The following ZNF320 variants were observed in gnomAD, a reference collection of about 807,000 sequenced individuals.
ZNF320 encodes the protein zinc finger protein 320.
Under a neutral mutation model 6.8 loss-of-function variants are expected in ZNF320, and 2 were observed. The observed-to-expected ratio is 0.29, with a 90% confidence interval of 0.12 to 0.93. The LOEUF is 0.93. Ranked by LOEUF, ZNF320 falls within the 40% of genes least tolerant of loss-of-function variation. The pLI is 0.55. For missense variants in ZNF320, 472 were observed against 611.0 expected (o/e 0.77, Z 2.40); for synonymous variants, 208 against 203.2 (o/e 1.02, Z -0.20).
chr19:52,875,963 C>T (rs1479422004), downstream of ZNF320, among the ~76,000 whole-genome samples: 1 of 152,050 alleles, frequency 6.6e-6, no homozygotes, highest in Non-Finnish European at 1.5e-5. Context: ...GTTTAAAACA[C>T]TGAAAGAGAG....
At chr19:52,874,016 CT>C, downstream of ZNF320, 2 of 463,382 alleles carry the variant, frequency 4.3e-6, no homozygotes, top group South Asian at 1.6e-5. Flanking sequence ...TCCCTGGCTC[CT>C]TTTCTTTGCC....
rs545696326 is a variant in ZNF320 at position 52,867,206 on chromosome 19, A to G, written c.224-3047T>C. Among the ~76,000 whole-genome samples the G allele has an allele frequency of 5.9e-5, 9 of 152,034 alleles. No individual in the cohort carries two copies. The South Asian group carries it at 1.9e-3, about 32-fold the overall frequency. ...AATTAATTAATTTATTTATTTATGT[A>G]TTTATTTTTTGAGATGGAGTCTCAC... On this transcript the variant is annotated intron_variant, in intron 5 of 5. Coordinates refer to the ZNF320 transcript ENST00000673631.
chr19:52,898,570 T>C (rs1175603204), upstream of ZNF320, among the ~76,000 whole-genome samples: 1 of 152,230 alleles, frequency 6.6e-6, no homozygotes, highest in Non-Finnish European at 1.5e-5. Flanking sequence ...CACTGAGTTG[T>C]AGAAGGAAGG....
chr19:52,860,805 G>A (rs1311605821), downstream of ZNF320, among the ~76,000 whole-genome samples: 1 of 152,054 alleles, frequency 6.6e-6, no homozygotes, highest in Non-Finnish European at 1.5e-5. Context: ...TGACTCATGC[G>A]TGAGCAGTAA....
exon 6 of ZNF320, chr19:52,862,000 T>C (rs1600549918): frequency 5.3e-6 from 2 of 376,846 alleles, no homozygotes; most frequent in East Asian, 6.8e-5. Flanking sequence ...GCCTCAATCA[T>C]GACATTTGTA....
chr19:52,889,291 C>G (rs2064209378), intron 4 of ZNF320, among the ~76,000 whole-genome samples: 2 of 151,864 alleles, frequency 1.3e-5, no homozygotes, highest in Non-Finnish European at 1.5e-5. Context: ...CTCATCAGAT[C>G]TAGGGAAACA....
At chr19:52,890,192 A>G (rs1443215764) in intron 4 of ZNF320, 49 bp downstream of exon 4, 3 of 1,600,992 alleles carry the variant, frequency 1.9e-6, no homozygotes, top group South Asian at 2.2e-5. Flanking sequence ...AGGCGCCAGC[A>G]TTTCTGAAAG....
At chr19:52,903,570 G>T in the ZNF320 span, among the ~76,000 whole-genome samples, 1 of 152,124 alleles carries the variant, frequency 6.6e-6, no homozygotes, top group Non-Finnish European at 1.5e-5. Context: ...TACCTCAAAT[G>T]CTGGCCAGTC....
chr19:52,865,840 T>C (rs1346179456), intron 5 of ZNF320, among the ~76,000 whole-genome samples: 2 of 121,694 alleles, frequency 1.6e-5, no homozygotes, highest in East Asian at 4.5e-4. Flanking sequence ...TATATATGAT[T>C]ATACACATAT....
At chr19:52,885,357 G>A (rs1201165865) in intron 5 of ZNF320, among the ~76,000 whole-genome samples, 1 of 152,140 alleles carries the variant, frequency 6.6e-6, no homozygotes, top group African/African-American at 2.4e-5. Context: ...AAGCCAGGCG[G>A]ATCACCTGGG....
chr19:52,901,989 A>G (rs937635415), upstream of ZNF320, among the ~76,000 whole-genome samples: 1 of 144,072 alleles, frequency 6.9e-6, no homozygotes, highest in African/African-American at 2.5e-5. Context: ...TGGGGCTGAC[A>G]TGAGTTTTTC....
intron 5 of ZNF320, among the ~76,000 whole-genome samples, chr19:52,868,762 G>GCAAGGGCTGAGCTGGGACA (rs1278944362): frequency 6.6e-6 from 1 of 152,038 alleles, no homozygotes; most frequent in Non-Finnish European, 1.5e-5. Flanking sequence ...GGGGATACAA[G>GCAAGGGCTGAGCTGGGACA]CAAGGGCTGA....
Position 52,880,664 on chromosome 19 carries a change from G to C in ZNF320, c.1462C>G (p.Gln488Glu), listed in dbSNP as rs749829226. 1.2e-6 allele frequency: 2 copies of C among 1,613,594 alleles called. No homozygotes were observed. Among genetic ancestry groups the C allele is most frequent in the Non-Finnish European group, 1.7e-6 (2 of 1,179,746 alleles). The change falls in exon 6 of 6, where the codon CAG (glutamine) becomes GAG (glutamate). Residue 488 changes from glutamine to glutamate, a missense_variant. Gln to Glu is a conservative substitution (Grantham distance 29). This residue lies in a region of ZNF320 where 462 missense variants were observed against 559.7 expected (regional missense o/e 0.83). Transcript: ENST00000682928. ...CAATTGTCTCCAAAAGGAATTTTCT[G>C]ATGTTCTGCAAGGAGTGACCTCAGA... is the stretch of plus-strand genomic sequence containing the variant. Reference protein sequence around the residue: ...FSLRSLLAEHQKIPFGDNCFK... With the variant: ...FSLRSLLAEHEKIPFGDNCFK...
intron 1 of ZNF320, chr19:52,895,677 G>A (rs2064448817): frequency 6.6e-6 from 1 of 152,036 alleles, no homozygotes; most frequent in African/African-American, 2.4e-5. Context: ...CAGGCGTGGT[G>A]GCAGGCGCCT....
Position 52,897,526 on chromosome 19 carries a change from G to A in ZNF320, c.-276C>T, listed in dbSNP as rs1042516349. 1 of 152,338 alleles carries A rather than the reference G, an allele frequency of 6.6e-6. No homozygotes were observed. Among genetic ancestry groups the A allele is most frequent in the Non-Finnish European group, 1.5e-5 (1 of 68,126 alleles). The allele number at this position is 152,338 out of a possible 1,614,324, so 9.4% of individuals were successfully genotyped here. On this transcript the variant is annotated 5_prime_UTR_variant, in exon 1 of 6. The change creates a new upstream start codon in the 5' untranslated region. Coordinates refer to ENST00000682928, the MANE Select transcript of ZNF320 (RefSeq NM_001351774.2). ...GGGACTCACGGACTCTCACCCGGACGTCTCAATTTGCTCTGGGTTGAGAAA... is the reference window on the plus strand; with the variant it reads ...GGGACTCACGGACTCTCACCCGGACATCTCAATTTGCTCTGGGTTGAGAAA...
rs376563288 is a variant in ZNF320, at chr19:52,880,632, C to T, written c.1494G>A (p.Lys498=). Residue 498 remains lysine, a synonymous_variant, in exon 6 of 6, where the codon AAG becomes AAA. Coordinates refer to ENST00000682928, the MANE Select transcript of ZNF320 (RefSeq NM_001351774.2). ...TTGATGGTTTGCTATACTCATTGCACTTGAAACAATTGTCTCCAAAAGGAA... is the reference window on the plus strand; with the variant it reads ...TTGATGGTTTGCTATACTCATTGCATTTGAAACAATTGTCTCCAAAAGGAA... The part of the protein sequence containing the change: ...QKIPFGDNCF[K]CNEYSKPSSI... 1.2e-6 allele frequency: 2 copies of T among 1,612,492 alleles called. No individual in the cohort carries two copies. The highest frequency in any genetic ancestry group is 1.1e-5 in the South Asian group (1 of 90,774).
chr19:52,868,485 A>G lies in ZNF320; in HGVS notation c.224-4326T>C, dbSNP rs576141415. The stretch of plus-strand genomic sequence containing the variant: ...TGCGCCACTGTAGTCCAGCCTGGGC[A>G]AGAAGAGCGAAACTCTGTCAAAAAA... On this transcript the variant is annotated intron_variant, in intron 5 of 5. Transcript: ENST00000673631. Among the ~76,000 whole-genome samples the G allele has an allele frequency of 5.3e-5, 8 of 151,758 alleles. No individual in the cohort carries two copies. The East Asian group carries it at 1.6e-3, about 30-fold the overall frequency.
chr19:52,861,222 T>A (rs777906085), exon 6 of ZNF320, among the ~76,000 whole-genome samples: 168 of 152,188 alleles, frequency 1.1e-3, no homozygotes, highest in Non-Finnish European at 1.6e-3. Flanking sequence ...ACATTAACAA[T>A]AAACAATTTT....
intron 2 of ZNF320, among the ~76,000 whole-genome samples, chr19:52,892,782 A>C (rs1353835036): frequency 3.3e-5 from 5 of 151,226 alleles, no homozygotes; most frequent in Admixed American, 1.3e-4. Flanking sequence ...CTGGCACCCC[A>C]GATCCCCAGG....
Sources: allele counts gnomAD v4.1 joint callset (sites outside exome capture counted in the v4.1 genomes callset), GRCh38; gene constraint gnomAD v4.1.1; regional missense constraint gnomAD v4.1.1; transcripts MANE v1.5; gene names NCBI Gene and HGNC (gene_info 2026-07-23, HGNC 2026-07-21).